CNTNAP2: variants seen among roughly 807,000 people sequenced by gnomAD.
CNTNAP2 encodes contactin associated protein 2.
CNTNAP2 carries 98 observed loss-of-function variants against 155.2 expected under a neutral mutation model. That is an observed-to-expected ratio of 0.63 (90% CI 0.54 to 0.75). CNTNAP2 has a LOEUF of 0.75. Ranked by LOEUF, CNTNAP2 falls within the 30% of genes least tolerant of loss-of-function variation. The pLI is 0.00. For synonymous variants in CNTNAP2, 651 were observed against 631.2 expected, an observed-to-expected ratio of 1.03 and a Z score of -0.47; for missense variants, 1,727 against 1,688.1, an observed-to-expected ratio of 1.02 and a Z score of -0.40.
intron 8 of CNTNAP2, chr7:147,167,206 C>A: frequency 6.2e-6 from 2 of 323,626 alleles, no homozygotes. Flanking sequence ...TCTTCATGTT[C>A]TTTGCCAGGA....
rs560750503 is a variant in CNTNAP2, at chr7:148,221,674, A to G, written c.3247+4150A>G. On this transcript the variant is annotated intron_variant, in intron 19 of 23. Coordinates refer to ENST00000361727, the MANE Select transcript of CNTNAP2 (RefSeq NM_014141.6). ...AAAAAGCTACTAGAAAGTCTCCACTAAACACCCTGGCATCACTCACATTTC... is the reference window on the plus strand; with the variant it reads ...AAAAAGCTACTAGAAAGTCTCCACTGAACACCCTGGCATCACTCACATTTC... Among the ~76,000 whole-genome samples the G allele has an allele frequency of 6.5e-4, 99 of 152,344 alleles. 1 individual carries two copies. The highest frequency in any genetic ancestry group is 2.3e-3 in the African/African-American group (96 of 41,576).
chr7:147,455,727 A>G (rs1797907508), intron 10 of CNTNAP2, among the ~76,000 whole-genome samples: 1 of 152,158 alleles, frequency 6.6e-6, no homozygotes, highest in Non-Finnish European at 1.5e-5. Context: ...AACAACAATA[A>G]CAACAACTCA....
intron 3 of CNTNAP2, among the ~76,000 whole-genome samples, chr7:146,979,500 T>C (rs1797974402): frequency 6.6e-6 from 1 of 152,218 alleles, no homozygotes. Flanking sequence ...CATTCCATGT[T>C]TTTCCATTAT....
chr7:146,338,018 T>A (rs897146755), intron 1 of CNTNAP2, among the ~76,000 whole-genome samples: 2 of 152,090 alleles, frequency 1.3e-5, no homozygotes, highest in African/African-American at 2.4e-5. Flanking sequence ...TGCTTTCCTA[T>A]CACTGCAAAG....
intron 12 of CNTNAP2, among the ~76,000 whole-genome samples, chr7:147,599,614 T>TA (rs1392321731): frequency 6.6e-6 from 1 of 152,050 alleles, no homozygotes; most frequent in Non-Finnish European, 1.5e-5. Context: ...CTGAAGTTTC[T>TA]GGGGAAAAAA....
At chr7:148,327,835 C>G (rs1453972950) in intron 21 of CNTNAP2, among the ~76,000 whole-genome samples, 2 of 152,180 alleles carry the variant, frequency 1.3e-5, no homozygotes, top group Admixed American at 1.3e-4. Context: ...CAGATCCCCC[C>G]ACTGCCCTGC....
chr7:146,903,907 T>C (rs780266821), intron 3 of CNTNAP2, among the ~76,000 whole-genome samples: 3 of 152,218 alleles, frequency 2.0e-5, no homozygotes, highest in African/African-American at 4.8e-5. Flanking sequence ...GGTGAGGTCA[T>C]AGAATATGTT....
chr7:147,923,584 G>A (rs991060193), intron 14 of CNTNAP2, among the ~76,000 whole-genome samples: 1 of 151,842 alleles, frequency 6.6e-6, no homozygotes, highest in Non-Finnish European at 1.5e-5. Context: ...TATAATCACA[G>A]CTCACTGCAG....
chr7:147,728,584 A>G (rs543488928), intron 13 of CNTNAP2, among the ~76,000 whole-genome samples: 6 of 152,070 alleles, frequency 3.9e-5, no homozygotes, highest in East Asian at 3.9e-4. Flanking sequence ...ATCTTTTTTC[A>G]TGTTTCTAGT....
intron 1 of CNTNAP2, among the ~76,000 whole-genome samples, chr7:146,357,783 A>G (rs997466257): frequency 6.6e-6 from 1 of 152,076 alleles, no homozygotes; most frequent in Non-Finnish European, 1.5e-5. Flanking sequence ...CCCATTACCT[A>G]TATGTAAACA....
rs572184609 is a variant in CNTNAP2 at position 147,716,256 on chromosome 7, T to C, written c.2098+76950T>C. Reference sequence around the variant, plus strand: ...TGTCTTATGTCACAGATATCGAGGATGCAGACACACAGAGTGAGGTTAACA... The same window carrying C: ...TGTCTTATGTCACAGATATCGAGGACGCAGACACACAGAGTGAGGTTAACA... On this transcript the variant is annotated intron_variant, in intron 13 of 23. Transcript: ENST00000361727. Among the ~76,000 whole-genome samples the C allele has an allele frequency of 5.3e-5, 8 of 152,260 alleles. No individual in the cohort carries two copies. In the East Asian group the frequency reaches 1.5e-3, roughly 29 times the overall value.
chr7:147,700,259 A>G (rs1356041230), intron 13 of CNTNAP2, among the ~76,000 whole-genome samples: 2 of 152,184 alleles, frequency 1.3e-5, no homozygotes, highest in African/African-American at 4.8e-5. Context: ...ATGGATTAAA[A>G]TGATTCAGAA....
intron 11 of CNTNAP2, among the ~76,000 whole-genome samples, chr7:147,550,812 A>G (rs1799837328): frequency 6.6e-6 from 1 of 152,230 alleles, no homozygotes; most frequent in Non-Finnish European, 1.5e-5. Context: ...AAGTAAAGGC[A>G]GAAGTGAAAA....
intron 15 of CNTNAP2, among the ~76,000 whole-genome samples, chr7:147,997,231 A>G (rs1668490400): frequency 6.6e-6 from 1 of 152,188 alleles, no homozygotes; most frequent in African/African-American, 2.4e-5. Context: ...CAGTGTCACG[A>G]TGCCTCCGTT....
chr7:147,116,852 C>A (rs1801001958), intron 5 of CNTNAP2, among the ~76,000 whole-genome samples: 6 of 152,096 alleles, frequency 3.9e-5, no homozygotes, highest in Admixed American at 3.9e-4. Context: ...CATGATCTGG[C>A]AAAGCCACTG....
intron 17 of CNTNAP2, among the ~76,000 whole-genome samples, chr7:148,152,138 C>T (rs1271313741): frequency 1.3e-5 from 2 of 152,052 alleles, no homozygotes; most frequent in Admixed American, 6.6e-5. Context: ...GCCCGCTACA[C>T]AGGTAAACCA....
Position 147,873,848 on chromosome 7 carries a change from G to T in CNTNAP2, c.2099-29717G>T, listed in dbSNP as rs948103054. Among the ~76,000 whole-genome samples, 6 of 152,168 alleles carry T rather than the reference G, an allele frequency of 3.9e-5. No homozygotes were observed. In the South Asian group the frequency reaches 8.3e-4, roughly 21 times the overall value. On this transcript the variant is annotated intron_variant, in intron 13 of 23. Transcript: ENST00000361727. ...TAGTTCCTTCCTAGATTCAAGGAGG[G>T]TATAGGCATTGGGTAAATACACCCA...
At chr7:147,841,731 T>C (rs1224076875) in intron 13 of CNTNAP2, among the ~76,000 whole-genome samples, 1 of 152,082 alleles carries the variant, frequency 6.6e-6, no homozygotes, top group Admixed American at 6.5e-5. Context: ...TGTCAATACA[T>C]CTGAAATGTT....
intron 11 of CNTNAP2, among the ~76,000 whole-genome samples, chr7:147,504,983 T>G (rs1483984686): frequency 1.3e-5 from 2 of 152,020 alleles, no homozygotes; most frequent in Non-Finnish European, 1.5e-5. Context: ...CTTTAGCAAG[T>G]GACATGAGGG....
Sources: gnomAD v4.1 joint callset for allele counts (sites outside exome capture counted in the v4.1 genomes callset) on GRCh38, gnomAD v4.1.1 for gene constraint, MANE v1.5 for transcripts, NCBI Gene and HGNC (gene_info 2026-07-23, HGNC 2026-07-21) for gene names.